ZXDC: variants seen among roughly 807,000 people sequenced by gnomAD.
The protein encoded by ZXDC is ZXD family zinc finger C.
Under a neutral mutation model 63.6 loss-of-function variants are expected in ZXDC, and 58 were observed. That is an observed-to-expected ratio of 0.91 (90% CI 0.74 to 1.13). The LOEUF (loss-of-function observed/expected upper bound fraction) is 1.13, where lower values mean the gene tolerates loss of function less well. Among genes scored for constraint, ZXDC ranks in the 50% most tolerant of loss-of-function variants. The pLI is 0.00. For missense variants in ZXDC, 1,133 were observed against 1,148.9 expected (o/e 0.99, Z 0.20); for synonymous variants, 561 against 496.1 (o/e 1.13, Z -1.74).
chr3:126,458,660 G>A, intron 7 of ZXDC: 1 of 985,418 alleles, frequency 1.0e-6, no homozygotes, highest in Non-Finnish European at 1.2e-6. Context: ...TTATATACTT[G>A]AATGTTTGTC....
Position 126,439,708 on chromosome 3 carries a change from C to T in ZXDC, c.2414G>A (p.Gly805Asp), listed in dbSNP as rs1933604438. The T allele has an allele frequency of 6.4e-7, 1 of 1,551,808 alleles. No individual in the cohort carries two copies. Among genetic ancestry groups the T allele is most frequent in the African/African-American group, 1.4e-5 (1 of 73,232 alleles). Residue 805 changes from glycine (G) to aspartate (D), a missense_variant, in exon 9 of 10, where the codon GGT becomes GAT. By Grantham distance (94) the Gly-to-Asp change is moderately conservative. Coordinates refer to ENST00000389709, the MANE Select transcript of ZXDC (RefSeq NM_025112.5). ...QLVQDDPSGE[G>D]VLPSARGPAT... ...TGGGCCGCGGGCCGAGGGCAGGACA[C>T]CTTCGCCGGAGGGGTCATCCTGGGA...
intron 6 of ZXDC, chr3:126,461,265 A>G (rs1934520893): frequency 8.1e-7 from 1 of 1,237,942 alleles, no homozygotes; most frequent in South Asian, 2.6e-5. Context: ...AAAGGAGCAC[A>G]TTACCATGGA....
chr3:126,474,953 G>C lies in ZXDC; in HGVS notation c.907+6C>G, dbSNP rs1560107928. On this transcript the variant is annotated splice_donor_region_variant and intron_variant, in intron 1 of 9. Coordinates refer to ENST00000389709, the MANE Select transcript of ZXDC (RefSeq NM_025112.5). ...GCAGCCCGCCCGCCCCCGAGAGCGC[G>C]GTTACCGGGAAAGTCACACTTGTAA... is the stretch of plus-strand genomic sequence containing the variant. 6.4e-7 allele frequency: 1 copy of C among 1,560,942 alleles called. No individual in the cohort carries two copies. The highest frequency in any genetic ancestry group is 1.4e-5 in the African/African-American group (1 of 73,970).
chr3:126,459,029 A>G (rs2107644778), intron 7 of ZXDC: 1 of 984,216 alleles, frequency 1.0e-6, no homozygotes, highest in South Asian at 4.7e-5. Context: ...AATACACAAA[A>G]AACAATATAT....
In ZXDC at chr3:126,472,061, G is replaced by GA. The variant is rs1256860648; in HGVS notation, c.1061-11dup. 4 of 1,609,898 alleles carry GA rather than the reference G, an allele frequency of 2.5e-6. No individual in the cohort carries two copies. Among genetic ancestry groups the GA allele is most frequent in the East Asian group, 2.2e-5 (1 of 44,862 alleles). Reference sequence around the variant, plus strand: ...ATAAATGGTCTTTCACCTTATAAAAGAAAAAATTATACAGCATAAAATTTA... The same window carrying GA: ...ATAAATGGTCTTTCACCTTATAAAAGAAAAAAATTATACAGCATAAAATTTA... On this transcript the variant is annotated splice_polypyrimidine_tract_variant and intron_variant, in intron 2 of 9. Coordinates refer to ENST00000389709, the MANE Select transcript of ZXDC (RefSeq NM_025112.5).
Position 126,461,923 on chromosome 3 carries a change from C to T in ZXDC, c.1739G>A (p.Ser580Asn), listed in dbSNP as rs542777035. The part of the protein sequence containing the change: ...AHSDIPPSLD[S>N]PLVLGTAATV... Reference sequence around the variant, plus strand: ...GGCTGCTGTCCCGAGAACCAGAGGGCTGTCCAGGCTTGGGGGAATATCACT... The same window carrying T: ...GGCTGCTGTCCCGAGAACCAGAGGGTTGTCCAGGCTTGGGGGAATATCACT... Residue 580 changes from serine (S) to asparagine (N), a missense_variant, in exon 6 of 10, where the codon AGC (serine) becomes AAC (asparagine). Ser to Asn is a conservative substitution (Grantham distance 46, BLOSUM62 1). Transcript: ENST00000389709. The T allele has an allele frequency of 8.6e-5, 139 of 1,614,180 alleles. No homozygotes were observed. The South Asian group carries it at 1.1e-3, about 13-fold the overall frequency.
intron 3 of ZXDC, among the ~76,000 whole-genome samples, chr3:126,471,538 T>C (rs748130397): frequency 3.9e-5 from 6 of 152,160 alleles, no homozygotes; most frequent in Admixed American, 3.3e-4. Context: ...CGAGTCTCAC[T>C]GTAAAACAGG....
At chr3:126,441,487 G>T in intron 8 of ZXDC, 1 of 1,211,052 alleles carries the variant, frequency 8.3e-7, no homozygotes, top group Non-Finnish European at 1.0e-6. Flanking sequence ...GCTACTCTGG[G>T]GCTAGACGCA....
chr3:126,475,341 G>A lies in ZXDC; in HGVS notation c.525C>T (p.Tyr175=), dbSNP rs1296259071. Residue 175 remains tyrosine (Y), a synonymous_variant, in exon 1 of 10, where the codon TAC becomes TAT. Coordinates refer to ENST00000389709, the MANE Select transcript of ZXDC (RefSeq NM_025112.5). Reference sequence around the variant, plus strand: ...GCGCGCACTGCGGCTCGGGGCAGCGGTAGCCGGGCGTGCTGGGGCCGGAGG... The same window carrying A: ...GCGCGCACTGCGGCTCGGGGCAGCGATAGCCGGGCGTGCTGGGGCCGGAGG... ...PQASGPSTPG[Y]RCPEPQCALA... The A allele has an allele frequency of 6.6e-7, 1 of 1,523,018 alleles. No individual in the cohort carries two copies. Among genetic ancestry groups the A allele is most frequent in the Non-Finnish European group, 8.8e-7 (1 of 1,133,464 alleles). The allele number at this position is 1,523,018 out of a possible 1,614,324, so 94.3% of individuals were successfully genotyped here. A position where few individuals can be genotyped will look rare whatever the true frequency, so the allele number is the denominator to read the frequency against.
At chr3:126,441,440 T>C in intron 8 of ZXDC, 3 of 1,139,482 alleles carry the variant, frequency 2.6e-6, no homozygotes, top group Non-Finnish European at 3.2e-6. Context: ...CTCATCCTGC[T>C]GCAAAACAGC....
At chr3:126,450,389 C>G (rs1221976934) in intron 7 of ZXDC, 1 of 456,696 alleles carries the variant, frequency 2.2e-6, no homozygotes, top group Non-Finnish European at 4.4e-6. Context: ...GAGATCCACG[C>G]ACCCTCCCCT....
Position 126,461,790 on chromosome 3 carries a change from T to A in ZXDC, c.1872A>T (p.Pro624=). 6.2e-7 allele frequency: 1 copy of A among 1,614,078 alleles called. No individual in the cohort carries two copies. Among genetic ancestry groups the A allele is most frequent in the Non-Finnish European group, 8.5e-7 (1 of 1,180,006 alleles). The change falls in exon 6 of 10, where the codon CCA becomes CCT. Residue 624 remains proline (P), a synonymous_variant. Coordinates refer to ENST00000389709, the MANE Select transcript of ZXDC (RefSeq NM_025112.5). ...AGTTACTATTGGAGGTCAAAGCCAG[T>A]GGGTCGTCACTCAAGTTCTTCATGG... ...ALPMKNLSDD[P]LALTSNSNLA...
At position 126,475,584 on chromosome 3, in the gene ZXDC, CTG is replaced by C; in HGVS notation, c.280_281del (p.Gln94GlyfsTer160). Reference protein sequence around the residue: ...GGAAAEAAGSQEAEPGSRVNL... With the variant: ...GGAAAEAAGSXEAEPGSRVNL... The stretch of plus-strand genomic sequence containing the variant: ...TGACACGGGAGCCAGGCTCGGCCTC[CTG>C]TGATCCGGCAGCCTCGGCGGCAGCG... On this transcript the variant is annotated frameshift_variant, in exon 1 of 10. Coordinates refer to ENST00000389709, the MANE Select transcript of ZXDC (RefSeq NM_025112.5). LOFTEE classifies it high-confidence loss of function. 1 of 1,459,964 alleles carries C rather than the reference CTG, an allele frequency of 6.8e-7. No individual in the cohort carries two copies. The allele number at this position is 1,459,964 out of a possible 1,614,324, so 90.4% of individuals were successfully genotyped here.
chr3:126,470,041 C>A (rs1354453075), intron 4 of ZXDC, among the ~76,000 whole-genome samples: 2 of 152,206 alleles, frequency 1.3e-5, no homozygotes, highest in Non-Finnish European at 2.9e-5. Context: ...TCCTGGCTCA[C>A]TGCCTCCCAG....
intron 7 of ZXDC, chr3:126,457,427 G>A: frequency 1.0e-6 from 1 of 985,430 alleles, no homozygotes; most frequent in Non-Finnish European, 1.2e-6. Context: ...TTCCTGCACT[G>A]GCTGAGGCAC....
intron 4 of ZXDC, 45 bp from the exon 5 acceptor site, chr3:126,466,370 G>C: frequency 6.2e-7 from 1 of 1,610,954 alleles, no homozygotes; most frequent in Non-Finnish European, 8.5e-7. Context: ...GGATCACCAA[G>C]GAACCAGGAA....
At chr3:126,453,854 C>T (rs191529053) in intron 7 of ZXDC, 12 of 985,174 alleles carry the variant, frequency 1.2e-5, no homozygotes, top group East Asian at 1.1e-4. Context: ...CATGAGCCAC[C>T]GCGCCCAGCC....
chr3:126,440,144 T>G (rs1172724795), intron 8 of ZXDC: 1 of 1,011,798 alleles, frequency 9.9e-7, no homozygotes, highest in Non-Finnish European at 1.2e-6. Flanking sequence ...TGCCCCAGCT[T>G]GCCTACGGGC....
At chr3:126,460,719 C>G (rs1934492946) in intron 6 of ZXDC, 2 of 985,452 alleles carry the variant, frequency 2.0e-6, no homozygotes, top group Non-Finnish European at 1.2e-6. Flanking sequence ...GAGACAGAGA[C>G]TGTCCTCCTC....
Sources: gnomAD v4.1 joint callset for allele counts (sites outside exome capture counted in the v4.1 genomes callset) on GRCh38, gnomAD v4.1.1 for gene constraint, MANE v1.5 for transcripts, NCBI Gene and HGNC (gene_info 2026-07-23, HGNC 2026-07-21) for gene names.